The following PHIP variants were observed in gnomAD, a reference collection of about 807,000 sequenced individuals.
PHIP encodes PHIP subunit of CUL4-Ring ligase complex, also known as PH-interacting protein.
In PHIP, 54 loss-of-function variants were observed where a neutral mutation model predicts 236.8. The ratio of observed to expected loss-of-function variants is 0.23; its 90% CI spans 0.18 to 0.29. The LOEUF is 0.29. Ranked by LOEUF, PHIP falls within the 10% of genes least tolerant of loss-of-function variation. PHIP has a pLI of 1.00. For missense variants in PHIP, 1,370 were observed against 2,190.8 expected (o/e 0.63, Z 7.48); for synonymous variants, 756 against 718.9 (o/e 1.05, Z -0.83).
intron 39 of PHIP, among the ~76,000 whole-genome samples, chr6:78,943,110 G>A (rs1391598262): frequency 1.3e-5 from 2 of 151,884 alleles, no homozygotes; most frequent in Non-Finnish European, 1.5e-5. Flanking sequence ...GATATAATGG[G>A]ATAAATAAAA....
At chr6:79,060,979 TTTG>T (rs762041798) in intron 4 of PHIP, among the ~76,000 whole-genome samples, 161 bp from the exon 5 acceptor site, 2 of 152,164 alleles carry the variant, frequency 1.3e-5, no homozygotes, top group East Asian at 1.9e-4. Context: ...GAACTGATAG[TTTG>T]TTATTAAAAA....
At position 79,026,124 on chromosome 6, in the gene PHIP, T is replaced by C; in HGVS notation, c.641A>G (p.Asp214Gly). 6.2e-7 allele frequency: 1 copy of C among 1,613,996 alleles called. No individual in the cohort carries two copies. Among genetic ancestry groups the C allele is most frequent in the Non-Finnish European group, 8.5e-7 (1 of 1,179,868 alleles). ...TCTTAAGGTAGCTAACAACCTCCCA[T>C]CATCTGTTGCCCATATTTTCACAAG... is the stretch of plus-strand genomic sequence containing the variant. ...DCLVKIWATD[D>G]GRLLATLRGH... The change falls in exon 8 of 40, where the codon GAT becomes GGT. Residue 214 changes from aspartate to glycine, a missense_variant. By Grantham distance (94) the Asp-to-Gly change is moderately conservative. Coordinates refer to ENST00000275034, the MANE Select transcript of PHIP (RefSeq NM_017934.7).
rs1284759065 is a variant in PHIP at position 78,955,493 on chromosome 6, T to TA, written c.3852+119dup. The stretch of plus-strand genomic sequence containing the variant: ...TCTACTGCCAGTTGTTTTTTTTTTT[T>TA]AAATTAACTACACTAGACAAAAAAT... On this transcript the variant is annotated intron_variant, in intron 33 of 39. Transcript: ENST00000275034. The TA allele has an allele frequency of 6.4e-3, 3,177 of 494,512 alleles. 1 individual carries two copies. Among genetic ancestry groups the TA allele is most frequent in the South Asian group, 0.02 (502 of 24,984 alleles). The allele number at this position is 494,512 out of a possible 1,614,324, so 30.6% of individuals were successfully genotyped here.
chr6:79,068,003 C>T (rs943158096), intron 4 of PHIP: 2 of 158,260 alleles, frequency 1.3e-5, no homozygotes, highest in Admixed American at 1.3e-4. Context: ...AACAGCCATC[C>T]TTCCCAGCCA....
rs2127682858 is a variant in PHIP at position 78,946,817 on chromosome 6, A to G, written c.4264T>C (p.Leu1422=). Residue 1422 remains leucine, a synonymous_variant, in exon 37 of 40, where the codon TTA becomes CTA. Coordinates refer to ENST00000275034, the MANE Select transcript of PHIP (RefSeq NM_017934.7). ...AFFEEHISSV[L]SDYKSALRFH... ...CGAAGAGCAGATTTATAATCTGATA[A>G]AACTGAACTAATGTGTTCTTCAAAG... 2 of 1,591,738 alleles carry G rather than the reference A, an allele frequency of 1.3e-6. No homozygotes were observed. The highest frequency in any genetic ancestry group is 2.3e-5 in the South Asian group (2 of 87,484).
intron 24 of PHIP, 135 bp downstream of exon 24, chr6:78,978,457 A>T (rs1768272082): frequency 3.8e-6 from 2 of 530,740 alleles, no homozygotes; most frequent in South Asian, 4.4e-5. Context: ...TACTTTCTCC[A>T]TACATAGATA....
At chr6:78,992,382 C>G (rs1337114855) in intron 19 of PHIP, among the ~76,000 whole-genome samples, 1 of 152,148 alleles carries the variant, frequency 6.6e-6, no homozygotes, top group Non-Finnish European at 1.5e-5. Flanking sequence ...ATCCACTGAT[C>G]TTACTGAGAC....
intron 25 of PHIP, 64 bp downstream of exon 25, chr6:78,970,717 A>G: frequency 1.9e-6 from 2 of 1,049,264 alleles, no homozygotes; most frequent in Non-Finnish European, 2.9e-6. Flanking sequence ...AACCTTTGAT[A>G]CAATTTTCTC....
At position 78,941,118 on chromosome 6, in the gene PHIP, G is replaced by T. The variant is rs771234803; in HGVS notation, c.5041C>A (p.Pro1681Thr). 1 of 1,613,830 alleles carries T rather than the reference G, an allele frequency of 6.2e-7. No homozygotes were observed. The highest frequency in any genetic ancestry group is 1.7e-5 in the Admixed American group (1 of 60,006). Residue 1681 changes from proline (P) to threonine (T), a missense_variant, in exon 40 of 40, where the codon CCC becomes ACC. Pro to Thr is a conservative substitution (Grantham distance 38). Transcript: ENST00000275034. ...PEDLEQNNVH[P>T]IRDEVLPSST... ...GAAGGAAGTACTTCATCTCTGATGGGATGCACATTATTTTGCTCTAAATCT... is the reference window on the plus strand; with the variant it reads ...GAAGGAAGTACTTCATCTCTGATGGTATGCACATTATTTTGCTCTAAATCT...
At chr6:79,073,387 C>T (rs1773992237) in intron 4 of PHIP, among the ~76,000 whole-genome samples, 1 of 152,052 alleles carries the variant, frequency 6.6e-6, no homozygotes, top group African/African-American at 2.4e-5. Flanking sequence ...GACTACCACG[C>T]AAAGCTTCTA....
At chr6:78,965,836 C>A in intron 28 of PHIP, 72 bp from the exon 29 acceptor site, 2 of 1,160,828 alleles carry the variant, frequency 1.7e-6, no homozygotes, top group South Asian at 1.3e-5. Context: ...AATCAATTAT[C>A]AAAATAATTG....
chr6:78,962,237 A>G (rs549923435), intron 30 of PHIP, among the ~76,000 whole-genome samples: 5 of 152,134 alleles, frequency 3.3e-5, no homozygotes, highest in African/African-American at 1.2e-4. Context: ...ATTCTGTGAA[A>G]TATTAGACAA....
At position 78,946,278 on chromosome 6, in the gene PHIP, T is replaced by C. The variant is rs1296282588; in HGVS notation, c.4371-18A>G. 3 of 1,605,380 alleles carry C rather than the reference T, an allele frequency of 1.9e-6. No homozygotes were observed. Among genetic ancestry groups the C allele is most frequent in the Admixed American group, 3.4e-5 (2 of 59,022 alleles). On this transcript the variant is annotated intron_variant, in intron 37 of 39. Transcript: ENST00000275034. ...TTTCAGGGCTGTAAATAAAATAGTATTGTCAGTCACTCTTATAGCTCTATG... is the reference window on the plus strand; with the variant it reads ...TTTCAGGGCTGTAAATAAAATAGTACTGTCAGTCACTCTTATAGCTCTATG...
intron 4 of PHIP, among the ~76,000 whole-genome samples, chr6:79,069,272 C>G (rs895811164): frequency 2.7e-5 from 4 of 150,540 alleles, no homozygotes; most frequent in African/African-American, 7.3e-5. Flanking sequence ...AAAATCCCAG[C>G]CCCTAAAATT....
intron 7 of PHIP, among the ~76,000 whole-genome samples, chr6:79,033,191 A>G (rs947784109): frequency 2.6e-5 from 4 of 152,208 alleles, no homozygotes; most frequent in Admixed American, 2.0e-4. Context: ...GTAGTTTAGC[A>G]TAATTCTTAT....
intron 6 of PHIP, among the ~76,000 whole-genome samples, chr6:79,049,331 G>T (rs1554211055): frequency 6.6e-6 from 1 of 152,024 alleles, no homozygotes; most frequent in Non-Finnish European, 1.5e-5. Flanking sequence ...CAAAGTGCTG[G>T]GATTACAGGC....
chr6:79,051,050 A>G (rs1314237268), intron 6 of PHIP, among the ~76,000 whole-genome samples: 1 of 152,166 alleles, frequency 6.6e-6, no homozygotes, highest in African/African-American at 2.4e-5. Context: ...GGAGGGAATC[A>G]TATAAGGAGG....
chr6:79,022,234 C>T (rs559814202), intron 9 of PHIP, among the ~76,000 whole-genome samples: 1 of 152,194 alleles, frequency 6.6e-6, no homozygotes, highest in South Asian at 2.1e-4. Context: ...AGGGGTAAAA[C>T]GGAACCTATT....
chr6:78,957,600 ATAATCCTGAATTTTTCATTATGT>A (rs1766512472), intron 32 of PHIP: 1 of 151,800 alleles, frequency 6.6e-6, no homozygotes, highest in East Asian at 1.9e-4. Flanking sequence ...AAAAAACTGA[ATAATCCTGAATTTTTCATTATGT>A]AAAAATGAAA....
Sources: allele counts gnomAD v4.1 joint callset (sites outside exome capture counted in the v4.1 genomes callset), GRCh38; gene constraint gnomAD v4.1.1; transcripts MANE v1.5; gene names NCBI Gene and HGNC (gene_info 2026-07-23, HGNC 2026-07-21).